KHDRBS2: variants seen among roughly 807,000 people sequenced by gnomAD.
The protein encoded by KHDRBS2 is KH RNA binding domain containing, signal transduction associated 2, also known as KH domain-containing, RNA-binding, signal transduction-associated protein 2.
In KHDRBS2, 26 loss-of-function variants were observed where a neutral mutation model predicts 44.3. The observed-to-expected ratio is 0.59, with a 90% confidence interval of 0.43 to 0.81. KHDRBS2 has a LOEUF of 0.81. KHDRBS2 is among the 40% of genes least tolerant of loss of function. The pLI, the probability that KHDRBS2 is intolerant of heterozygous loss-of-function variation, is 0.00. For missense variants in KHDRBS2, 476 were observed against 433.1 expected, an observed-to-expected ratio of 1.10 and a Z score of -0.88; for synonymous variants, 194 against 151.1, an observed-to-expected ratio of 1.28 and a Z score of -2.08.
At chr6:62,126,260 T>C (rs1646009384) in intron 2 of KHDRBS2, among the ~76,000 whole-genome samples, 1 of 152,088 alleles carries the variant, frequency 6.6e-6, no homozygotes. Context: ...TTCCATTTCT[T>C]ATATGAAAAA....
At chr6:61,728,337 G>C (rs1260695671) in intron 7 of KHDRBS2, among the ~76,000 whole-genome samples, 1 of 151,952 alleles carries the variant, frequency 6.6e-6, no homozygotes, top group Non-Finnish European at 1.5e-5. Context: ...GCTAATGGAT[G>C]CTGGGCTTAA....
At chr6:61,610,764 G>C in the KHDRBS2 span, among the ~76,000 whole-genome samples, 1 of 152,182 alleles carries the variant, frequency 6.6e-6, no homozygotes, top group African/African-American at 2.4e-5. Context: ...GCTAAACATT[G>C]TTCAAAACAA....
At chr6:61,597,175 G>A in the KHDRBS2 span, among the ~76,000 whole-genome samples, 1 of 152,258 alleles carries the variant, frequency 6.6e-6, no homozygotes, top group South Asian at 2.1e-4. Context: ...AAAATTTCTG[G>A]TGGTTTAGGT....
chr6:61,568,796 C>T, the KHDRBS2 span, among the ~76,000 whole-genome samples: 1 of 152,218 alleles, frequency 6.6e-6, no homozygotes, highest in African/African-American at 2.4e-5. Context: ...CCATCCCTGA[C>T]TATCTCTCAC....
At chr6:62,020,672 C>A (rs543026963) in intron 3 of KHDRBS2, among the ~76,000 whole-genome samples, 2 of 152,118 alleles carry the variant, frequency 1.3e-5, no homozygotes, top group South Asian at 4.2e-4. Context: ...CAACTGACCC[C>A]TTAACATTTA....
At chr6:62,153,357 T>A (rs1348935936) in intron 2 of KHDRBS2, among the ~76,000 whole-genome samples, 1 of 152,048 alleles carries the variant, frequency 6.6e-6, no homozygotes, top group Admixed American at 6.6e-5. Flanking sequence ...AAAAAATGAG[T>A]ACAGAATCAA....
At chr6:61,579,117 A>G in the KHDRBS2 span, among the ~76,000 whole-genome samples, 1 of 152,168 alleles carries the variant, frequency 6.6e-6, no homozygotes, top group Non-Finnish European at 1.5e-5. Flanking sequence ...TACCAGTAGT[A>G]TAGAGAACAC....
intron 6 of KHDRBS2, among the ~76,000 whole-genome samples, chr6:61,829,244 C>A (rs1390378201): frequency 2.6e-5 from 4 of 152,150 alleles, no homozygotes; most frequent in African/African-American, 9.7e-5. Context: ...TCACTGCAAC[C>A]TCTGCCTCCC....
chr6:62,094,702 T>C (rs1179591030), intron 2 of KHDRBS2, among the ~76,000 whole-genome samples: 1 of 151,958 alleles, frequency 6.6e-6, no homozygotes, highest in Non-Finnish European at 1.5e-5. Context: ...GTTCTTATAT[T>C]TAAGTCTTTA....
At chr6:61,747,408 A>G (rs1777030178) in intron 6 of KHDRBS2, among the ~76,000 whole-genome samples, 1 of 152,220 alleles carries the variant, frequency 6.6e-6, no homozygotes, top group South Asian at 2.1e-4. Context: ...CACCTATTTA[A>G]TATTTTTAAG....
At chr6:62,085,950 A>G (rs1219529738) in intron 2 of KHDRBS2, among the ~76,000 whole-genome samples, 6 of 152,084 alleles carry the variant, frequency 3.9e-5, no homozygotes, top group Admixed American at 2.0e-4. Context: ...GTGATCTGCT[A>G]ATAGTTAAGA....
At chr6:61,704,766 T>C (rs1769228703) in intron 7 of KHDRBS2, among the ~76,000 whole-genome samples, 1 of 151,768 alleles carries the variant, frequency 6.6e-6, no homozygotes, top group African/African-American at 2.4e-5. Flanking sequence ...ATAGTAGTGC[T>C]CTACAAATAT....
In KHDRBS2 at chr6:61,892,091, T is replaced by C. The variant is rs543837300; in HGVS notation, c.810+2544A>G. Among the ~76,000 whole-genome samples the C allele has an allele frequency of 5.9e-5, 9 of 152,276 alleles. No homozygotes were observed. The East Asian group carries it at 1.7e-3, about 29-fold the overall frequency. On this transcript the variant is annotated intron_variant, in intron 6 of 8. Coordinates refer to ENST00000281156, the MANE Select transcript of KHDRBS2 (RefSeq NM_152688.4). ...AATCAATGTGCAAAAATCACAAGCA[T>C]TCGTATACACCAATAACAGACAAAC...
At chr6:62,048,618 G>A (rs1315532725) in intron 2 of KHDRBS2, among the ~76,000 whole-genome samples, 1 of 151,764 alleles carries the variant, frequency 6.6e-6, no homozygotes, top group African/African-American at 2.4e-5. Flanking sequence ...GCACATAAAA[G>A]TTAAAAAACA....
At position 61,953,273 on chromosome 6, in the gene KHDRBS2, A is replaced by C. The variant is rs141880508; in HGVS notation, c.483+24793T>G. On this transcript the variant is annotated intron_variant, in intron 4 of 8. Transcript: ENST00000281156. ...AATTCTGTCTTAAATGATGCCATCC[A>C]AGACTTTATACATTCTAACCCCAAA... Among the ~76,000 whole-genome samples the C allele has an allele frequency of 2.3e-3, 356 of 152,164 alleles. 3 individuals carry two copies. Among genetic ancestry groups the C allele is most frequent in the African/African-American group, 8.1e-3 (335 of 41,552 alleles).
At position 62,048,436 on chromosome 6, in the gene KHDRBS2, G is replaced by A. The variant is rs182415482; in HGVS notation, c.220-442C>T. ...AGTTTGCAATCAATATTTTAAAATC[G>A]ATGCTTTAAATTAGTATCTAAAATA... is the stretch of plus-strand genomic sequence containing the variant. On this transcript the variant is annotated intron_variant, in intron 2 of 8. Coordinates refer to ENST00000281156, the MANE Select transcript of KHDRBS2 (RefSeq NM_152688.4). 7.2e-5 allele frequency among the ~76,000 whole-genome samples: 11 copies of A among 151,782 alleles called. No homozygotes were observed. In the East Asian group the frequency reaches 1.8e-3, roughly 24 times the overall value.
At chr6:61,544,412 A>G in the KHDRBS2 span, among the ~76,000 whole-genome samples, 1 of 152,114 alleles carries the variant, frequency 6.6e-6, no homozygotes, top group Non-Finnish European at 1.5e-5. Context: ...GTATTTTAAA[A>G]TCATTTTTAA....
the KHDRBS2 span, among the ~76,000 whole-genome samples, chr6:61,551,907 A>T: frequency 6.6e-6 from 1 of 152,074 alleles, no homozygotes; most frequent in East Asian, 1.9e-4. Context: ...AAAGAATGTC[A>T]TTATATATCC....
At chr6:61,918,963 C>T (rs1197219266) in intron 4 of KHDRBS2, among the ~76,000 whole-genome samples, 10 of 152,000 alleles carry the variant, frequency 6.6e-5, no homozygotes, top group East Asian at 1.9e-4. Flanking sequence ...TGTGGCATTA[C>T]GGAAATCAGG....
Sources: gnomAD v4.1 joint callset for allele counts (sites outside exome capture counted in the v4.1 genomes callset) on GRCh38, gnomAD v4.1.1 for gene constraint, MANE v1.5 for transcripts, NCBI Gene and HGNC (gene_info 2026-07-23, HGNC 2026-07-21) for gene names.